The following PELI2 variants were observed in gnomAD, a reference collection of about 807,000 sequenced individuals.
The protein encoded by PELI2 is E3 ubiquitin-protein ligase pellino homolog 2.
PELI2 carries 23 observed loss-of-function variants against 42.3 expected under a neutral mutation model. That is an observed-to-expected ratio of 0.54 (90% CI 0.39 to 0.77). PELI2 has a LOEUF of 0.77. Among genes scored for constraint, PELI2 ranks in the 30% least tolerant of loss-of-function variants. The pLI is 0.00. For synonymous variants in PELI2, 245 were observed against 212.2 expected (o/e 1.15, Z -1.34); for missense variants, 463 against 553.2 (o/e 0.84, Z 1.64).
In PELI2 at chr14:56,118,585, C is replaced by A; in HGVS notation, c.-76C>A. ...CCCCGTTCTCGGGATGGGATTGTAGCGGCGGCGCGGACTCGGCGGGGATCG... is the reference window on the plus strand; with the variant it reads ...CCCCGTTCTCGGGATGGGATTGTAGAGGCGGCGCGGACTCGGCGGGGATCG... On this transcript the variant is annotated 5_prime_UTR_variant, in exon 1 of 6. Transcript: ENST00000267460. 2 of 957,632 alleles carry A rather than the reference C, an allele frequency of 2.1e-6. No individual in the cohort carries two copies. Among genetic ancestry groups the A allele is most frequent in the Non-Finnish European group, 1.4e-6 (1 of 712,748 alleles). 59.3% of individuals were successfully genotyped at this position (957,632 alleles called of 1,614,324 possible). A position where few individuals can be genotyped will look rare whatever the true frequency, so the allele number is the denominator to read the frequency against.
chr14:56,282,439 T>C (rs1889511097), intron 3 of PELI2, among the ~76,000 whole-genome samples: 1 of 152,108 alleles, frequency 6.6e-6, no homozygotes, highest in Non-Finnish European at 1.5e-5. Flanking sequence ...AAATCATGCT[T>C]ATATGCATTA....
rs1889183709 is a variant in PELI2 at position 56,273,691 on chromosome 14, G to T, written c.208-5985G>T. On this transcript the variant is annotated intron_variant, in intron 2 of 5. Coordinates refer to ENST00000267460, the MANE Select transcript of PELI2 (RefSeq NM_021255.3). The surrounding 1 kb of genome is among the most constrained non-coding windows in gnomAD (Gnocchi z 4.3). ...ATGCTAACTGTATGTGAACAACAGTGGCAAGAGAGGGCTCAGGGGTGACAT... is the reference window on the plus strand; with the variant it reads ...ATGCTAACTGTATGTGAACAACAGTTGCAAGAGAGGGCTCAGGGGTGACAT... 6.6e-6 allele frequency among the ~76,000 whole-genome samples: 1 copy of T among 152,176 alleles called. No homozygotes were observed. The highest frequency in any genetic ancestry group is 2.1e-4 in the South Asian group (1 of 4,824).
At chr14:56,201,629 A>G (rs1296164103) in intron 2 of PELI2, among the ~76,000 whole-genome samples, 6 of 152,188 alleles carry the variant, frequency 3.9e-5, no homozygotes, top group East Asian at 1.9e-4. Flanking sequence ...TTTCATTCTC[A>G]TAGGCTCTCA....
Position 56,170,239 on chromosome 14 carries a change from A to T in PELI2, c.78-8096A>T, listed in dbSNP as rs143492650. Reference sequence around the variant, plus strand: ...TCTGGAATGTGATCCTGTGATGCTGATGCAACCTCCACTTCTGGAGCCCAC... The same window carrying T: ...TCTGGAATGTGATCCTGTGATGCTGTTGCAACCTCCACTTCTGGAGCCCAC... On this transcript the variant is annotated intron_variant, in intron 1 of 5. Coordinates refer to ENST00000267460, the MANE Select transcript of PELI2 (RefSeq NM_021255.3). 3.9e-5 allele frequency among the ~76,000 whole-genome samples: 6 copies of T among 152,296 alleles called. 1 individual carries two copies. Among genetic ancestry groups the T allele is most frequent in the African/African-American group, 1.4e-4 (6 of 41,574 alleles).
chr14:56,298,607 A>G lies in PELI2; in HGVS notation c.*1441A>G, dbSNP rs959286351. Reference sequence around the variant, plus strand: ...TACGTAATTTATATGATTCTAATGTACTATATCCATACTTGAATTGGTTTT... The same window carrying G: ...TACGTAATTTATATGATTCTAATGTGCTATATCCATACTTGAATTGGTTTT... On this transcript the variant is annotated 3_prime_UTR_variant, in exon 6 of 6. Transcript: ENST00000267460. 2.6e-5 allele frequency: 4 copies of G among 152,658 alleles called. No homozygotes were observed. The highest frequency in any genetic ancestry group is 5.9e-5 in the Non-Finnish European group (4 of 68,040). The allele number at this position is 152,658 out of a possible 1,614,324, so 9.5% of individuals were successfully genotyped here.
chr14:56,133,041 A>T (rs1288212766), intron 1 of PELI2, among the ~76,000 whole-genome samples: 2 of 152,082 alleles, frequency 1.3e-5, no homozygotes, highest in Non-Finnish European at 2.9e-5. Context: ...TTGGAAGAAA[A>T]ATTTTTCCAA....
In PELI2 at chr14:56,165,767, C is replaced by T. The variant is rs151101189; in HGVS notation, c.78-12568C>T. 5.9e-5 allele frequency among the ~76,000 whole-genome samples: 9 copies of T among 152,072 alleles called. No homozygotes were observed. In the East Asian group the frequency reaches 1.7e-3, roughly 29 times the overall value. ...GGCCCCTTTATCGTTATATAGTGAC[C>T]GTCTTTGTCTTTTCTTACAGTTTTT... On this transcript the variant is annotated intron_variant, in intron 1 of 5. Transcript: ENST00000267460.
At chr14:56,257,273 C>G (rs1324542107) in intron 2 of PELI2, among the ~76,000 whole-genome samples, 1 of 152,108 alleles carries the variant, frequency 6.6e-6, no homozygotes. Flanking sequence ...CCCCTCAGAG[C>G]TTACAGTGTA....
At position 56,189,376 on chromosome 14, in the gene PELI2, T is replaced by C. The variant is rs545898414; in HGVS notation, c.207+10912T>C. ...CTTGATGTATACTTCAAAGATTATG[T>C]AGGACGAGGTAAGAGAGAGAACATA... On this transcript the variant is annotated intron_variant, in intron 2 of 5. Transcript: ENST00000267460. Among the ~76,000 whole-genome samples the C allele has an allele frequency of 2.6e-5, 4 of 152,296 alleles. No individual in the cohort carries two copies. In the South Asian group the frequency reaches 6.2e-4, roughly 24 times the overall value.
intron 2 of PELI2, among the ~76,000 whole-genome samples, chr14:56,231,589 TC>T (rs1325145355): frequency 6.6e-6 from 1 of 152,184 alleles, no homozygotes; most frequent in African/African-American, 2.4e-5. Flanking sequence ...TACCAGAATC[TC>T]TGGGACACAT....
At position 56,296,621 on chromosome 14, in the gene PELI2, C is replaced by T; in HGVS notation, c.718C>T (p.Leu240=). ...GTAGGTGGAAAGTGAGACCAACGTC[C>T]TGCAGGACGGCTCCCTCATTGACCT... The part of the protein sequence containing the change: ...GKLVESETNV[L]QDGSLIDLCG... The change falls in exon 6 of 6, where the codon CTG becomes TTG. Residue 240 remains leucine (L), a synonymous_variant. Transcript: ENST00000267460. The T allele has an allele frequency of 1.9e-6, 3 of 1,608,082 alleles. No homozygotes were observed. The highest frequency in any genetic ancestry group is 1.1e-5 in the South Asian group (1 of 90,798).
At chr14:56,154,501 T>A (rs1884477493) in intron 1 of PELI2, among the ~76,000 whole-genome samples, 1 of 152,244 alleles carries the variant, frequency 6.6e-6, no homozygotes, top group Non-Finnish European at 1.5e-5. Flanking sequence ...TCTCTCCTGC[T>A]GCCATGTGAA....
intron 1 of PELI2, chr14:56,145,063 G>A (rs1176353648): frequency 2.0e-5 from 11 of 538,372 alleles, no homozygotes; most frequent in Non-Finnish European, 2.6e-5. Flanking sequence ...CTGAGACTAG[G>A]TTCTTTATAA....
At chr14:56,214,674 T>C (rs534743586) in intron 2 of PELI2, among the ~76,000 whole-genome samples, 63 of 152,246 alleles carry the variant, frequency 4.1e-4, no homozygotes, top group African/African-American at 1.5e-3. Context: ...CCTCTAGAGT[T>C]TGGAAGCTGG....
At chr14:56,283,756 G>A (rs1048173213) in intron 3 of PELI2, among the ~76,000 whole-genome samples, 3 of 152,176 alleles carry the variant, frequency 2.0e-5, no homozygotes, top group Admixed American at 6.5e-5. Flanking sequence ...TTTAAATAAA[G>A]TATGGTAAGC....
intron 2 of PELI2, among the ~76,000 whole-genome samples, chr14:56,226,476 G>T (rs1486085262): frequency 6.6e-6 from 1 of 152,174 alleles, no homozygotes; most frequent in East Asian, 1.9e-4. Context: ...AGGTGAAAAG[G>T]CGCTGTGCTT....
chr14:56,139,126 C>T (rs182499201), intron 1 of PELI2, among the ~76,000 whole-genome samples: 1 of 152,146 alleles, frequency 6.6e-6, no homozygotes, highest in Non-Finnish European at 1.5e-5. Context: ...TTCTCGCACA[C>T]CCTAAATGAT....
chr14:56,156,908 A>G (rs1444728024), intron 1 of PELI2, among the ~76,000 whole-genome samples: 1 of 152,180 alleles, frequency 6.6e-6, no homozygotes, highest in African/African-American at 2.4e-5. Flanking sequence ...CATTTCACGA[A>G]TTTGTAAACT....
intron 2 of PELI2, among the ~76,000 whole-genome samples, chr14:56,222,663 C>T (rs1887185136): frequency 6.6e-6 from 1 of 152,194 alleles, no homozygotes; most frequent in Non-Finnish European, 1.5e-5. Context: ...GGAGCAGAGC[C>T]AGCTCTAGTT....
Sources: allele counts gnomAD v4.1 joint callset (sites outside exome capture counted in the v4.1 genomes callset), GRCh38; gene constraint gnomAD v4.1.1; non-coding constraint Gnocchi (gnomAD v3.1); transcripts MANE v1.5; gene names NCBI Gene and HGNC (gene_info 2026-07-23, HGNC 2026-07-21).